Variants in LEKR1 observed in about 807,000 individuals in gnomAD.
LEKR1 encodes the protein leucine, glutamate and lysine rich 1.
A neutral mutation model predicts 72.4 loss-of-function variants in LEKR1; 59 were observed. The observed-to-expected ratio is 0.82, with a 90% CI of 0.66 to 1.01. The LOEUF is 1.01. LEKR1 is among the 50% of genes least tolerant of loss of function. The probability of loss-of-function intolerance (pLI) is 0.00; values close to 1 mark genes in which losing one functional copy is unlikely to be tolerated. For synonymous variants in LEKR1, 257 were observed against 263.2 expected, an observed-to-expected ratio of 0.98 and a Z score of 0.23; for missense variants, 728 against 759.2, an observed-to-expected ratio of 0.96 and a Z score of 0.48.
chr3:157,032,463 A>G (rs901066968), intron 12 of LEKR1, among the ~76,000 whole-genome samples: 1 of 152,230 alleles, frequency 6.6e-6, no homozygotes, highest in African/African-American at 2.4e-5. Context: ...GGAGAATTGA[A>G]TACATATGTT....
At chr3:157,006,195 C>CG (rs1248491191) in intron 9 of LEKR1, among the ~76,000 whole-genome samples, 4 of 149,548 alleles carry the variant, frequency 2.7e-5, no homozygotes, top group Non-Finnish European at 5.9e-5. Context: ...TTAGTAGAGA[C>CG]GGGGTTTCAC....
At chr3:156,838,475 C>T (rs1305798905) in intron 2 of LEKR1, among the ~76,000 whole-genome samples, 1 of 152,186 alleles carries the variant, frequency 6.6e-6, no homozygotes, top group African/African-American at 2.4e-5. Flanking sequence ...AGTCTTCCTA[C>T]TATTTTGGGA....
At chr3:157,001,792 A>C (rs1732036333) in intron 9 of LEKR1, among the ~76,000 whole-genome samples, 1 of 152,220 alleles carries the variant, frequency 6.6e-6, no homozygotes, top group East Asian at 1.9e-4. Flanking sequence ...TTTATCACTC[A>C]GGTCTTCATT....
At chr3:156,856,050 G>A (rs1010973456) in intron 3 of LEKR1, among the ~76,000 whole-genome samples, 5 of 151,806 alleles carry the variant, frequency 3.3e-5, no homozygotes, top group African/African-American at 1.2e-4. Flanking sequence ...AGAAGAAGAG[G>A]GAATAGACTC....
intron 5 of LEKR1, among the ~76,000 whole-genome samples, chr3:156,929,154 C>T (rs1326062674): frequency 6.6e-6 from 1 of 150,882 alleles, no homozygotes; most frequent in African/African-American, 2.4e-5. Flanking sequence ...TAAAATTTCA[C>T]TGGATGGACT....
chr3:156,904,493 A>G (rs905893802), intron 3 of LEKR1, among the ~76,000 whole-genome samples: 40 of 148,902 alleles, frequency 2.7e-4, no homozygotes, highest in African/African-American at 9.9e-4. Context: ...TGTCACTCAT[A>G]TTTATTCCCA....
intron 6 of LEKR1, among the ~76,000 whole-genome samples, chr3:156,948,888 C>T (rs1214270195): frequency 6.6e-6 from 1 of 151,352 alleles, no homozygotes; most frequent in Non-Finnish European, 1.5e-5. Flanking sequence ...ATCTCATTGG[C>T]ACTTGATTTG....
intron 12 of LEKR1, among the ~76,000 whole-genome samples, chr3:157,029,379 T>C (rs1734436433): frequency 6.6e-6 from 1 of 152,092 alleles, no homozygotes; most frequent in Non-Finnish European, 1.5e-5. Flanking sequence ...AGAAATTATT[T>C]ACATGTTACA....
intron 6 of LEKR1, among the ~76,000 whole-genome samples, chr3:156,978,089 A>T (rs925624546): frequency 6.6e-6 from 1 of 152,224 alleles, no homozygotes; most frequent in African/African-American, 2.4e-5. Flanking sequence ...GATAAAGTTA[A>T]TGTAATAAGA....
chr3:156,883,016 G>A (rs534811775), intron 3 of LEKR1, among the ~76,000 whole-genome samples: 5 of 151,850 alleles, frequency 3.3e-5, no homozygotes, highest in African/African-American at 7.3e-5. Context: ...TTGGGGGGAG[G>A]GGGGAGAGAT....
chr3:156,863,937 A>G (rs955331764), intron 3 of LEKR1, among the ~76,000 whole-genome samples: 2 of 152,034 alleles, frequency 1.3e-5, no homozygotes, highest in African/African-American at 4.8e-5. Flanking sequence ...GGGTTGGTTG[A>G]GTTGACAGAA....
chr3:156,887,202 T>G (rs1240318998), intron 3 of LEKR1, among the ~76,000 whole-genome samples: 1 of 152,204 alleles, frequency 6.6e-6, no homozygotes, highest in East Asian at 1.9e-4. Flanking sequence ...GTTTTTTGAT[T>G]GTCCGTATTT....
chr3:156,870,669 C>T (rs1370836600), intron 3 of LEKR1, among the ~76,000 whole-genome samples: 3 of 151,938 alleles, frequency 2.0e-5, no homozygotes, highest in Non-Finnish European at 4.4e-5. Flanking sequence ...GCCTTTTATT[C>T]CTTTCTCTTG....
At chr3:156,914,914 T>C (rs1231342082) in intron 3 of LEKR1, among the ~76,000 whole-genome samples, 1 of 152,146 alleles carries the variant, frequency 6.6e-6, no homozygotes, top group Non-Finnish European at 1.5e-5. Context: ...ATCCAATAGA[T>C]ATTTTTTCTT....
At chr3:156,899,617 T>C (rs919189104) in intron 3 of LEKR1, among the ~76,000 whole-genome samples, 3 of 86,436 alleles carry the variant, frequency 3.5e-5, no homozygotes, top group Non-Finnish European at 4.5e-5. Context: ...TATACACACA[T>C]ATATACACAT....
intron 10 of LEKR1, among the ~76,000 whole-genome samples, chr3:157,014,663 T>C (rs902775162): frequency 2.0e-5 from 3 of 152,182 alleles, no homozygotes; most frequent in Non-Finnish European, 4.4e-5. Context: ...TTAATTTTTA[T>C]ATTTTTAAAA....
At position 156,829,296 on chromosome 3, in the gene LEKR1, G is replaced by C; in HGVS notation, c.-34G>C. ...CATCAATGTTCTTAGATTTCCTTTG[G>C]CTTCAAAGCTCTCTCACCATATTTT... On this transcript the variant is annotated 5_prime_UTR_variant, in exon 2 of 13. Coordinates refer to ENST00000356539, the MANE Select transcript of LEKR1 (RefSeq NM_001004316.3). 1 of 1,409,190 alleles carries C rather than the reference G, an allele frequency of 7.1e-7. No individual in the cohort carries two copies. The highest frequency in any genetic ancestry group is 9.7e-7 in the Non-Finnish European group (1 of 1,034,598). 87.3% of individuals were successfully genotyped at this position (1,409,190 alleles called of 1,614,324 possible).
intron 6 of LEKR1, among the ~76,000 whole-genome samples, chr3:156,970,929 G>A: frequency 6.6e-6 from 1 of 151,928 alleles, no homozygotes; most frequent in East Asian, 1.9e-4. Flanking sequence ...GTAATCTATA[G>A]ATTCAATGCC....
At chr3:156,971,163 G>C (rs80064455) in intron 6 of LEKR1, among the ~76,000 whole-genome samples, 92,966 of 151,946 alleles carry the variant, frequency 0.61, 29,586 homozygotes, top group Admixed American at 0.73. Context: ...TGGAACAGAA[G>C]AGAGCCCTCA....
Sources: gnomAD v4.1 joint callset for allele counts (sites outside exome capture counted in the v4.1 genomes callset) on GRCh38, gnomAD v4.1.1 for gene constraint, MANE v1.5 for transcripts, NCBI Gene and HGNC (gene_info 2026-07-23, HGNC 2026-07-21) for gene names.